The following SAMD4A variants were observed in gnomAD, a reference collection of about 807,000 sequenced individuals.
SAMD4A encodes the protein sterile alpha motif domain containing 4A.
In SAMD4A, 33 loss-of-function variants were observed where a neutral mutation model predicts 81.3. That is an observed-to-expected ratio of 0.41 (90% CI 0.31 to 0.54). The LOEUF (loss-of-function observed/expected upper bound fraction) is 0.54. SAMD4A is among the 20% of genes least tolerant of loss of function. The pLI is 0.37. For missense variants in SAMD4A, 854 were observed against 951.1 expected, an observed-to-expected ratio of 0.90 and a Z score of 1.34; for synonymous variants, 389 against 382.1, an observed-to-expected ratio of 1.02 and a Z score of -0.21.
chr14:54,787,087 T>C (rs1417614594), intron 12 of SAMD4A, among the ~76,000 whole-genome samples: 1 of 152,222 alleles, frequency 6.6e-6, no homozygotes, highest in Admixed American at 6.5e-5. Context: ...GGAGACAGTA[T>C]GCTAATGAGT....
intron 2 of SAMD4A, among the ~76,000 whole-genome samples, chr14:54,690,508 T>A (rs530296349): frequency 6.6e-6 from 1 of 152,250 alleles, no homozygotes; most frequent in East Asian, 1.9e-4. Flanking sequence ...ATTCTACTCC[T>A]TACAGTGTTG....
At chr14:54,733,370 G>T (rs551990341) in intron 3 of SAMD4A, among the ~76,000 whole-genome samples, 1 of 151,964 alleles carries the variant, frequency 6.6e-6, no homozygotes, top group African/African-American at 2.4e-5. Context: ...TTTTATAGAG[G>T]TTTTTAAAAA....
intron 4 of SAMD4A, among the ~76,000 whole-genome samples, chr14:54,745,227 C>T (rs908291890): frequency 4.6e-5 from 7 of 152,234 alleles, no homozygotes; most frequent in African/African-American, 1.7e-4. Context: ...AGCAGTTTCT[C>T]ACCACCCACA....
chr14:54,634,826 A>G (rs2034994970), intron 2 of SAMD4A, among the ~76,000 whole-genome samples: 1 of 152,190 alleles, frequency 6.6e-6, no homozygotes, highest in Admixed American at 6.5e-5. Context: ...CGTTATTTAT[A>G]TAGTTAAAAA....
intron 2 of SAMD4A, among the ~76,000 whole-genome samples, chr14:54,696,570 A>G (rs908424782): frequency 6.6e-6 from 1 of 152,254 alleles, no homozygotes; most frequent in Non-Finnish European, 1.5e-5. Context: ...GGGTATAATA[A>G]AATAGCAATT....
At chr14:54,649,057 C>T (rs1429829370) in intron 2 of SAMD4A, among the ~76,000 whole-genome samples, 1 of 152,114 alleles carries the variant, frequency 6.6e-6, no homozygotes, top group Non-Finnish European at 1.5e-5. Flanking sequence ...AAGTTTTGTC[C>T]TGAGCAACTG....
intron 2 of SAMD4A, among the ~76,000 whole-genome samples, chr14:54,585,784 T>G (rs2033598851): frequency 6.6e-6 from 1 of 152,202 alleles, no homozygotes; most frequent in African/African-American, 2.4e-5. Flanking sequence ...TTCATTTTCA[T>G]GGCTGAGTAG....
chr14:54,792,515 A>T lies in SAMD4A; in HGVS notation c.*3571A>T, dbSNP rs982997699. 1.3e-5 allele frequency: 2 copies of T among 152,298 alleles called. No individual in the cohort carries two copies. Among genetic ancestry groups the T allele is most frequent in the Non-Finnish European group, 2.9e-5 (2 of 68,132 alleles). The allele number at this position is 152,298 out of a possible 1,614,324, so 9.4% of individuals were successfully genotyped here. Reference sequence around the variant, plus strand: ...GCTGAGCTGGGCTGAATGCAAAAGCATGCAACCAGAAGGCGGGCAAGGGGA... The same window carrying T: ...GCTGAGCTGGGCTGAATGCAAAAGCTTGCAACCAGAAGGCGGGCAAGGGGA... On this transcript the variant is annotated 3_prime_UTR_variant, in exon 13 of 13. Coordinates refer to ENST00000554335, the MANE Select transcript of SAMD4A (RefSeq NM_015589.6).
At chr14:54,723,106 A>AG (rs1006589525) in intron 3 of SAMD4A, among the ~76,000 whole-genome samples, 1 of 35,130 alleles carries the variant, frequency 2.8e-5, no homozygotes, top group African/African-American at 4.2e-5. Flanking sequence ...TTAAATAGAA[A>AG]AAAAAAAAAC....
chr14:54,791,391 G>C lies in SAMD4A; in HGVS notation c.*2447G>C, dbSNP rs987908110. ...ACAGATTGTGAACACAATCACATTC[G>C]CATGAATCCTTTAAAAGGAAGAAGA... is the stretch of plus-strand genomic sequence containing the variant. On this transcript the variant is annotated 3_prime_UTR_variant, in exon 13 of 13. Coordinates refer to ENST00000554335, the MANE Select transcript of SAMD4A (RefSeq NM_015589.6). 1 of 152,126 alleles carries C rather than the reference G, an allele frequency of 6.6e-6. No individual in the cohort carries two copies. Among genetic ancestry groups the C allele is most frequent in the Non-Finnish European group, 1.5e-5 (1 of 68,014 alleles). 9.4% of individuals were successfully genotyped at this position (152,126 alleles called of 1,614,324 possible).
chr14:54,731,307 T>G (rs1001707260), intron 3 of SAMD4A, among the ~76,000 whole-genome samples: 1 of 152,176 alleles, frequency 6.6e-6, no homozygotes, highest in Non-Finnish European at 1.5e-5. Context: ...TCAGCAAAGG[T>G]TCTAGTGATA....
At chr14:54,760,644 G>C in intron 7 of SAMD4A, 150 bp downstream of exon 7, 3 of 1,300,758 alleles carry the variant, frequency 2.3e-6, no homozygotes, top group East Asian at 3.1e-5. Flanking sequence ...GTGCAGTTCA[G>C]AGAGGTTAAG....
At chr14:54,756,364 G>A (rs750516063) in intron 6 of SAMD4A, among the ~76,000 whole-genome samples, 2 of 152,118 alleles carry the variant, frequency 1.3e-5, no homozygotes, top group African/African-American at 2.4e-5. Flanking sequence ...GCTCGGCCAC[G>A]TATAGCGTCC....
rs1407393548 is a variant in SAMD4A, at chr14:54,739,425, A to G, written c.979+2138A>G. On this transcript the variant is annotated intron_variant, in intron 4 of 12. Coordinates refer to ENST00000554335, the MANE Select transcript of SAMD4A (RefSeq NM_015589.6). ...AACAGGTTATTTGATGGCCTGCTGTATTTCCACCTTCTCTGACCTATTGAA... is the reference window on the plus strand; with the variant it reads ...AACAGGTTATTTGATGGCCTGCTGTGTTTCCACCTTCTCTGACCTATTGAA... Among the ~76,000 whole-genome samples, 3 of 151,378 alleles carry G rather than the reference A, an allele frequency of 2.0e-5. No individual in the cohort carries two copies. In the East Asian group the frequency reaches 5.8e-4, roughly 29 times the overall value.
At chr14:54,605,866 G>C (rs1219231935) in intron 2 of SAMD4A, among the ~76,000 whole-genome samples, 1 of 151,928 alleles carries the variant, frequency 6.6e-6, no homozygotes, top group Non-Finnish European at 1.5e-5. Context: ...TTTACGGAAT[G>C]ATCACTTTCC....
At chr14:54,644,963 T>C (rs1361595360) in intron 2 of SAMD4A, among the ~76,000 whole-genome samples, 1 of 152,186 alleles carries the variant, frequency 6.6e-6, no homozygotes, top group East Asian at 1.9e-4. Flanking sequence ...CTGGTGATAG[T>C]GTACTCAAAC....
chr14:54,782,730 A>G (rs1021177171), intron 11 of SAMD4A, among the ~76,000 whole-genome samples: 4 of 152,370 alleles, frequency 2.6e-5, no homozygotes, highest in Admixed American at 6.5e-5. Flanking sequence ...CGGAAGCAAC[A>G]TCTGCCTCTG....
chr14:54,627,319 G>A (rs2034789841), intron 2 of SAMD4A, among the ~76,000 whole-genome samples: 1 of 152,068 alleles, frequency 6.6e-6, no homozygotes, highest in African/African-American at 2.4e-5. Flanking sequence ...GAGTCCTAAG[G>A]TTAACCAGAG....
Position 54,792,753 on chromosome 14 carries a change from TA to T in SAMD4A, c.*3810del, listed in dbSNP as rs2039280790. Reference sequence around the variant, plus strand: ...TCAGAGATGTTTGCAAAGTGAGTTTTATTTTTTTGTAATTCCTTTATCTTTA... The same window carrying T: ...TCAGAGATGTTTGCAAAGTGAGTTTTTTTTTTTGTAATTCCTTTATCTTTA... On this transcript the variant is annotated 3_prime_UTR_variant, in exon 13 of 13. Transcript: ENST00000554335. The T allele has an allele frequency of 6.6e-6, 1 of 152,202 alleles. No individual in the cohort carries two copies. Among genetic ancestry groups the T allele is most frequent in the African/African-American group, 2.4e-5 (1 of 41,448 alleles). 9.4% of individuals were successfully genotyped at this position (152,202 alleles called of 1,614,324 possible). A position where few individuals can be genotyped will look rare whatever the true frequency, so the allele number is the denominator to read the frequency against.
Sources: allele counts gnomAD v4.1 joint callset (sites outside exome capture counted in the v4.1 genomes callset), GRCh38; gene constraint gnomAD v4.1.1; transcripts MANE v1.5; gene names NCBI Gene and HGNC (gene_info 2026-07-23, HGNC 2026-07-21).